The following HIRA variants were observed in gnomAD, a reference collection of about 807,000 sequenced individuals.
The protein encoded by HIRA is protein HIRA.
A neutral mutation model predicts 126.6 loss-of-function variants in HIRA; 13 were observed. The observed-to-expected ratio is 0.10, with a 90% CI of 0.07 to 0.16. The LOEUF is 0.16. HIRA is among the 10% of genes least tolerant of loss of function. HIRA has a pLI of 1.00. For missense variants in HIRA, 834 were observed against 1,314.4 expected (o/e 0.63, Z 5.65); for synonymous variants, 511 against 520.0 (o/e 0.98, Z 0.24).
chr22:19,351,001 G>T lies in HIRA; in HGVS notation c.2937+357C>A. 1 of 303,692 alleles carries T rather than the reference G, an allele frequency of 3.3e-6. No individual in the cohort carries two copies. Among genetic ancestry groups the T allele is most frequent in the Non-Finnish European group, 4.8e-6 (1 of 206,784 alleles). The allele number at this position is 303,692 out of a possible 1,614,324, so 18.8% of individuals were successfully genotyped here. A position where few individuals can be genotyped will look rare whatever the true frequency, so the allele number is the denominator to read the frequency against. ...TCTGAATCTAGTCTGAAAATATTTT[G>T]TTGACCTAACTGCCTCCCTGTTTAT... On this transcript the variant is annotated intron_variant, in intron 24 of 24. Coordinates refer to ENST00000263208, the MANE Select transcript of HIRA (RefSeq NM_003325.4). This position sits in a 1 kb window ranked among gnomAD's most constrained non-coding sequence, Gnocchi z 4.8.
chr22:19,334,351 A>T (rs901351338), intron 24 of HIRA, among the ~76,000 whole-genome samples: 1 of 150,458 alleles, frequency 6.6e-6, no homozygotes, highest in East Asian at 2.0e-4. Context: ...TAAGACATTT[A>T]TTTTAAAGTC....
At chr22:19,359,597 T>A in intron 17 of HIRA, 113 bp from the exon 18 acceptor site, 1 of 1,226,164 alleles carries the variant, frequency 8.2e-7, no homozygotes, top group South Asian at 1.9e-5. Context: ...AGAGGCAGAC[T>A]GGCTGGCCAA....
chr22:19,386,485 G>A (rs1319776308), intron 11 of HIRA, among the ~76,000 whole-genome samples: 1 of 152,268 alleles, frequency 6.6e-6, no homozygotes, highest in Non-Finnish European at 1.5e-5. Context: ...CAGGACATCT[G>A]CTTTACAGCA....
At chr22:19,371,250 A>G (rs2088961954) in intron 15 of HIRA, among the ~76,000 whole-genome samples, 1 of 150,114 alleles carries the variant, frequency 6.7e-6, no homozygotes, top group South Asian at 2.1e-4. Flanking sequence ...TCCTGGGGGG[A>G]CTCCTCTCTA....
rs782110677 is a variant in HIRA, at chr22:19,351,528, A to G, written c.2849-82T>C. On this transcript the variant is annotated intron_variant, in intron 23 of 24. Coordinates refer to ENST00000263208, the MANE Select transcript of HIRA (RefSeq NM_003325.4). The surrounding 1 kb of genome is among the most constrained non-coding windows in gnomAD (Gnocchi z 4.8). Reference sequence around the variant, plus strand: ...CACATTACAAAAAGAAATAAAATCAAGAATATGTTGTTGTGTCTATCAAAT... The same window carrying G: ...CACATTACAAAAAGAAATAAAATCAGGAATATGTTGTTGTGTCTATCAAAT... 19 of 1,085,356 alleles carry G rather than the reference A, an allele frequency of 1.8e-5. No individual in the cohort carries two copies. Among genetic ancestry groups the G allele is most frequent in the Non-Finnish European group, 2.6e-5 (19 of 721,902 alleles). 67.2% of individuals were successfully genotyped at this position (1,085,356 alleles called of 1,614,324 possible). A position where few individuals can be genotyped will look rare whatever the true frequency, so the allele number is the denominator to read the frequency against.
At chr22:19,332,238 G>C (rs2088498112) in intron 24 of HIRA, among the ~76,000 whole-genome samples, 1 of 152,184 alleles carries the variant, frequency 6.6e-6, no homozygotes, top group Non-Finnish European at 1.5e-5. Context: ...TGGACGAGAA[G>C]GTCTAAGATC....
intron 1 of HIRA, among the ~76,000 whole-genome samples, chr22:19,425,567 A>G (rs1336489693): frequency 1.3e-5 from 2 of 151,854 alleles, no homozygotes; most frequent in Non-Finnish European, 2.9e-5. Context: ...CAGCTGTGTA[A>G]CTATGATTCT....
At chr22:19,421,064 G>C (rs1428876357) in intron 1 of HIRA, among the ~76,000 whole-genome samples, 1 of 152,176 alleles carries the variant, frequency 6.6e-6, no homozygotes, top group Admixed American at 6.5e-5. Context: ...TTGGGAGGTC[G>C]AGGCGGGTGG....
At chr22:19,377,678 C>A (rs2089031677) in intron 14 of HIRA, among the ~76,000 whole-genome samples, 191 bp downstream of exon 14, 1 of 152,210 alleles carries the variant, frequency 6.6e-6, no homozygotes, top group Non-Finnish European at 1.5e-5. Context: ...CCTCAACAGT[C>A]CTGTGCATCA....
chr22:19,353,299 C>G (rs2088776540), intron 23 of HIRA, 57 bp downstream of exon 23: 1 of 1,597,072 alleles, frequency 6.3e-7, no homozygotes, highest in Non-Finnish European at 8.6e-7. Context: ...CTAAGTGAGG[C>G]CTGGGAGGAT....
intron 24 of HIRA, among the ~76,000 whole-genome samples, chr22:19,341,221 T>C (rs2146172397): frequency 6.6e-6 from 1 of 152,176 alleles, no homozygotes; most frequent in Admixed American, 6.5e-5. Context: ...GAGGCTAAAA[T>C]GGGCAGATCA....
At chr22:19,426,177 G>C (rs1206650840) in intron 1 of HIRA, among the ~76,000 whole-genome samples, 4 of 152,014 alleles carry the variant, frequency 2.6e-5, no homozygotes, top group Non-Finnish European at 5.9e-5. Context: ...CTGTCTCCCT[G>C]AGCATCTCAC....
Position 19,353,532 on chromosome 22 carries a change from GGA to G in HIRA, c.2685-15_2685-14del, listed in dbSNP as rs1162718428. On this transcript the variant is annotated splice_polypyrimidine_tract_variant and intron_variant, in intron 22 of 24. Transcript: ENST00000263208. The stretch of plus-strand genomic sequence containing the variant: ...CTGCCTTCCCGAGCTGCAGAGACCA[GGA>G]GAGTTTCCATGATGGGGCAGCAGGC... The G allele has an allele frequency of 6.9e-6, 11 of 1,590,020 alleles. No homozygotes were observed. The African/African-American group carries it at 1.1e-4, about 16-fold the overall frequency.
chr22:19,431,024 C>T (rs1365164037), intron 1 of HIRA, among the ~76,000 whole-genome samples: 1 of 152,182 alleles, frequency 6.6e-6, no homozygotes, highest in Non-Finnish European at 1.5e-5. Context: ...TTGCAGATTT[C>T]GGATCTTCAT....
In HIRA at chr22:19,428,045, CA is replaced by C. The variant is rs59529759; in HGVS notation, c.37+3394del. On this transcript the variant is annotated intron_variant, in intron 1 of 24. Transcript: ENST00000263208. Reference sequence around the variant, plus strand: ...TGATAGCTATTATATTTCAATTTAACAATCTTTTATATTTGGTCCCAGGATA... The same window carrying C: ...TGATAGCTATTATATTTCAATTTAACATCTTTTATATTTGGTCCCAGGATA... 1.3e-3 allele frequency among the ~76,000 whole-genome samples: 203 copies of C among 152,258 alleles called. 1 individual carries two copies. The highest frequency in any genetic ancestry group is 4.5e-3 in the African/African-American group (187 of 41,536).
chr22:19,360,928 G>A (rs1301868650), intron 17 of HIRA, among the ~76,000 whole-genome samples: 1 of 152,242 alleles, frequency 6.6e-6, no homozygotes, highest in Non-Finnish European at 1.5e-5. Context: ...GGAGGTGGAG[G>A]TGGCTTCCAG....
At chr22:19,342,105 G>C (rs2088635625) in intron 24 of HIRA, among the ~76,000 whole-genome samples, 2 of 151,908 alleles carry the variant, frequency 1.3e-5, no homozygotes, top group South Asian at 4.1e-4. Context: ...AAATCAGCAA[G>C]ATAAAAACAA....
chr22:19,430,106 T>C (rs940170610), intron 1 of HIRA: 4 of 152,166 alleles, frequency 2.6e-5, no homozygotes, highest in African/African-American at 7.2e-5. Context: ...TTAGCCAATA[T>C]TTATCACATA....
chr22:19,399,097 T>G (rs2089246425), intron 5 of HIRA: 1 of 983,928 alleles, frequency 1.0e-6, no homozygotes, highest in Non-Finnish European at 1.2e-6. Context: ...TCGATGAGGG[T>G]CCGCTGTGAC....
Sources: allele counts gnomAD v4.1 joint callset (sites outside exome capture counted in the v4.1 genomes callset), GRCh38; gene constraint gnomAD v4.1.1; non-coding constraint Gnocchi (gnomAD v3.1); transcripts MANE v1.5; gene names NCBI Gene and HGNC (gene_info 2026-07-23, HGNC 2026-07-21).